PCDHA2: variants seen among roughly 807,000 people sequenced by gnomAD.
PCDHA2 encodes protocadherin alpha 2.
A neutral mutation model predicts 66.0 loss-of-function variants in PCDHA2; 58 were observed. That is an observed-to-expected ratio of 0.88 (90% CI 0.71 to 1.09). The LOEUF (loss-of-function observed/expected upper bound fraction) is 1.09. Ranked by LOEUF, PCDHA2 falls within the 50% of genes least tolerant of loss-of-function variation. The pLI, the probability that PCDHA2 is intolerant of heterozygous loss-of-function variation, is 0.00. For missense variants in PCDHA2, 1,267 were observed against 1,242.3 expected (o/e 1.02, Z -0.30); for synonymous variants, 634 against 554.0 (o/e 1.14, Z -2.03).
At chr5:140,938,705 A>G (rs1554212312) in intron 1 of PCDHA2, among the ~76,000 whole-genome samples, 1 of 152,150 alleles carries the variant, frequency 6.6e-6, no homozygotes, top group African/African-American at 2.4e-5. Context: ...ATATATGTTT[A>G]TGATAGAAAC....
intron 1 of PCDHA2, chr5:140,967,908 A>T (rs554849478): frequency 6.2e-7 from 1 of 1,614,138 alleles, no homozygotes; most frequent in Non-Finnish European, 8.5e-7. Context: ...GCTACACCCA[A>T]CACCATTGTG....
intron 1 of PCDHA2, among the ~76,000 whole-genome samples, chr5:140,943,498 A>T (rs2093507311): frequency 6.6e-6 from 1 of 152,164 alleles, no homozygotes; most frequent in Admixed American, 6.6e-5. Flanking sequence ...GATGCTATCA[A>T]GGTTCATGGA....
intron 1 of PCDHA2, among the ~76,000 whole-genome samples, chr5:140,800,135 AT>A (rs1366612742): frequency 6.6e-6 from 1 of 152,160 alleles, no homozygotes; most frequent in Non-Finnish European, 1.5e-5. Context: ...TATTGTTAAC[AT>A]TTTAGTATAT....
chr5:140,870,956 G>T (rs1554164932), intron 1 of PCDHA2: 2 of 1,613,520 alleles, frequency 1.2e-6, no homozygotes, highest in East Asian at 2.2e-5. Flanking sequence ...GGCGGCTCGC[G>T]CATCCCGTTC....
intron 1 of PCDHA2, chr5:140,863,499 T>G: frequency 2.3e-6 from 1 of 434,624 alleles, no homozygotes; most frequent in Non-Finnish European, 4.6e-6. Context: ...CATTACGGCT[T>G]TTAGTCCTAG....
chr5:140,841,845 A>G, intron 1 of PCDHA2: 1 of 1,613,930 alleles, frequency 6.2e-7, no homozygotes, highest in Non-Finnish European at 8.5e-7. Context: ...CTTAGCTCTC[A>G]TGATTACTTC....
At chr5:140,876,181 G>A in intron 1 of PCDHA2, 9 of 1,613,980 alleles carry the variant, frequency 5.6e-6, no homozygotes, top group Non-Finnish European at 7.6e-6. Flanking sequence ...GGATGTGAAT[G>A]ACAATGGTCC....
At chr5:140,870,496 G>A in intron 1 of PCDHA2, 1 of 1,614,234 alleles carries the variant, frequency 6.2e-7, no homozygotes, top group Non-Finnish European at 8.5e-7. Flanking sequence ...GTTCGTGAAG[G>A]AGAACAACCC....
intron 1 of PCDHA2, chr5:140,821,979 G>A (rs2150112472): frequency 8.7e-6 from 14 of 1,614,132 alleles, no homozygotes; most frequent in South Asian, 4.4e-5. Context: ...TGGCGTCCAA[G>A]GGCCGCGGGG....
chr5:140,829,747 G>C (rs2150173825), intron 1 of PCDHA2: 21 of 1,613,704 alleles, frequency 1.3e-5, no homozygotes, highest in Non-Finnish European at 1.7e-5. Flanking sequence ...TGACGCTGCA[G>C]GTGTTCGTGC....
intron 1 of PCDHA2, among the ~76,000 whole-genome samples, chr5:140,906,707 CT>C (rs1554192656): frequency 6.6e-6 from 1 of 152,198 alleles, no homozygotes; most frequent in Non-Finnish European, 1.5e-5. Flanking sequence ...ATTTGTAGTC[CT>C]GCCTGGATTG....
chr5:140,901,333 T>C (rs1370254894), intron 1 of PCDHA2, among the ~76,000 whole-genome samples: 1 of 152,200 alleles, frequency 6.6e-6, no homozygotes, highest in East Asian at 1.9e-4. Flanking sequence ...TTGTAGTCGT[T>C]TTATAGTTTG....
At chr5:140,986,673 A>G (rs782404000) in intron 3 of PCDHA2, among the ~76,000 whole-genome samples, 2 of 152,168 alleles carry the variant, frequency 1.3e-5, no homozygotes. Context: ...TTTTCAGAAG[A>G]GTTCAGAAAG....
At chr5:140,841,429 C>G (rs2150315333) in intron 1 of PCDHA2, 3 of 1,612,842 alleles carry the variant, frequency 1.9e-6, no homozygotes, top group South Asian at 1.1e-5. Flanking sequence ...ACTCCGTCCC[C>G]GAGGAGGCCA....
chr5:140,819,125 C>T (rs1243509701), intron 1 of PCDHA2, among the ~76,000 whole-genome samples: 1 of 152,096 alleles, frequency 6.6e-6, no homozygotes, highest in Non-Finnish European at 1.5e-5. Context: ...TCTTACTATC[C>T]TTATAATAGA....
chr5:140,803,112 G>C, intron 1 of PCDHA2: 1 of 1,613,822 alleles, frequency 6.2e-7, no homozygotes, highest in Non-Finnish European at 8.5e-7. Context: ...TGCCCTGGAC[G>C]AGGTGGACGC....
intron 1 of PCDHA2, chr5:140,828,662 C>G: frequency 3.7e-6 from 6 of 1,614,124 alleles, no homozygotes; most frequent in Non-Finnish European, 5.1e-6. Context: ...TGACAATAAA[C>G]AAATTGGGCT....
intron 1 of PCDHA2, among the ~76,000 whole-genome samples, chr5:140,904,904 C>G (rs1463349424): frequency 6.6e-6 from 1 of 151,948 alleles, no homozygotes; most frequent in Non-Finnish European, 1.5e-5. Context: ...GTTTTTCTTA[C>G]TGATTTGTTT....
At chr5:140,910,137 T>A (rs2074898699) in intron 1 of PCDHA2, among the ~76,000 whole-genome samples, 1 of 152,232 alleles carries the variant, frequency 6.6e-6, no homozygotes, top group Non-Finnish European at 1.5e-5. Flanking sequence ...CTGGTTTAAG[T>A]CTGGAAATTG....
Sources: allele counts gnomAD v4.1 joint callset (sites outside exome capture counted in the v4.1 genomes callset), GRCh38; gene constraint gnomAD v4.1.1; transcripts MANE v1.5; gene names NCBI Gene and HGNC (gene_info 2026-07-23, HGNC 2026-07-21).